The following COPG2 variants were observed in gnomAD, a reference collection of about 807,000 sequenced individuals.
COPG2 encodes coat protein complex I subunit gamma 2, also known as coatomer subunit gamma-2.
COPG2 carries 37 observed loss-of-function variants against 46.3 expected under a neutral mutation model. The observed-to-expected ratio is 0.80, with a 90% confidence interval of 0.61 to 1.05. COPG2 has a LOEUF of 1.05. COPG2 is among the 50% of genes least tolerant of loss of function. The probability of loss-of-function intolerance (pLI) is 0.00; values close to 1 mark genes in which losing one functional copy is unlikely to be tolerated. For synonymous variants in COPG2, 159 were observed against 129.7 expected, an observed-to-expected ratio of 1.23 and a Z score of -1.53; for missense variants, 427 against 387.8, an observed-to-expected ratio of 1.10 and a Z score of -0.85.
intron 9 of COPG2, among the ~76,000 whole-genome samples, chr7:130,597,980 T>C (rs895448662): frequency 2.0e-5 from 3 of 152,166 alleles, no homozygotes; most frequent in Admixed American, 6.5e-5. Context: ...GGACTCAGCA[T>C]GGCAAACAAT....
chr7:130,659,093 C>G (rs529607576), intron 4 of COPG2, among the ~76,000 whole-genome samples: 1 of 152,034 alleles, frequency 6.6e-6, no homozygotes, highest in Non-Finnish European at 1.5e-5. Flanking sequence ...CGGTAGCTTA[C>G]GCCTGCAATC....
chr7:130,523,600 A>G, intron 20 of COPG2, among the ~76,000 whole-genome samples: 1 of 152,320 alleles, frequency 6.6e-6, no homozygotes, highest in South Asian at 2.1e-4. Context: ...ATGACAGCTA[A>G]CAAATGGATG....
chr7:130,518,360 G>A (rs1799696054), intron 20 of COPG2, among the ~76,000 whole-genome samples: 1 of 151,936 alleles, frequency 6.6e-6, no homozygotes, highest in Non-Finnish European at 1.5e-5. Context: ...AGAGGGGGAA[G>A]ATCAGGGTGA....
intron 4 of COPG2, among the ~76,000 whole-genome samples, chr7:130,659,082 G>A (rs1205540689): frequency 7.2e-5 from 11 of 152,054 alleles, no homozygotes; most frequent in African/African-American, 2.2e-4. Flanking sequence ...TAGGCCGGGC[G>A]CGGTAGCTTA....
At chr7:130,638,053 G>A (rs916695635) in intron 5 of COPG2, among the ~76,000 whole-genome samples, 28 of 152,184 alleles carry the variant, frequency 1.8e-4, no homozygotes, top group African/African-American at 6.8e-4. Flanking sequence ...CACCAGCAGA[G>A]GCCGCAGAAC....
intron 1 of COPG2, 120 bp from the exon 2 acceptor site, chr7:130,667,654 CA>C: frequency 1.1e-5 from 8 of 703,904 alleles, no homozygotes; most frequent in Middle Eastern, 2.6e-4. Flanking sequence ...CAGTGATAAT[CA>C]TGGCTAATAC....
chr7:130,571,726 GA>G (rs1793904471), intron 9 of COPG2, among the ~76,000 whole-genome samples: 1 of 152,048 alleles, frequency 6.6e-6, no homozygotes, highest in Admixed American at 6.5e-5. Context: ...GTCATTATAT[GA>G]AAAAGGCACT....
At chr7:130,555,717 T>C (rs1017203962) in intron 12 of COPG2, among the ~76,000 whole-genome samples, 3,033 of 152,252 alleles carry the variant, frequency 0.02, 54 homozygotes, top group East Asian at 0.069. Flanking sequence ...CAGTCCCAGC[T>C]ACTCGGAGAG....
intron 9 of COPG2, among the ~76,000 whole-genome samples, chr7:130,584,785 A>G (rs1480558736): frequency 6.6e-6 from 1 of 152,052 alleles, no homozygotes; most frequent in Admixed American, 6.6e-5. Flanking sequence ...GAAAACTACA[A>G]AACACTGCTG....
At chr7:130,538,447 A>T (rs1160368152) in intron 20 of COPG2, among the ~76,000 whole-genome samples, 1 of 152,108 alleles carries the variant, frequency 6.6e-6, no homozygotes, top group African/African-American at 2.4e-5. Context: ...GAGTTCCCCA[A>T]ATGGGGTTTT....
chr7:130,604,027 TATTC>T (rs1794685269), intron 9 of COPG2, among the ~76,000 whole-genome samples: 1 of 152,200 alleles, frequency 6.6e-6, no homozygotes, highest in African/African-American at 2.4e-5. Context: ...AAGATATAAC[TATTC>T]ATTAAGTGAA....
intron 20 of COPG2, among the ~76,000 whole-genome samples, chr7:130,514,472 T>G (rs1799661090): frequency 6.6e-6 from 1 of 152,166 alleles, no homozygotes. Context: ...CTCTTAGAAG[T>G]TACTCTGTCA....
chr7:130,573,439 C>A (rs1554445781), intron 9 of COPG2, among the ~76,000 whole-genome samples: 1 of 151,962 alleles, frequency 6.6e-6, no homozygotes, highest in Non-Finnish European at 1.5e-5. Flanking sequence ...AACAAAAATT[C>A]TTAACAAATA....
chr7:130,624,882 A>T (rs1795091847), intron 5 of COPG2, among the ~76,000 whole-genome samples: 1 of 152,164 alleles, frequency 6.6e-6, no homozygotes. Flanking sequence ...ATGCATGTGC[A>T]TGTGTCTTTT....
intron 5 of COPG2, among the ~76,000 whole-genome samples, chr7:130,631,239 T>A (rs1319457305): frequency 6.7e-6 from 1 of 149,010 alleles, no homozygotes; most frequent in Non-Finnish European, 1.5e-5. Flanking sequence ...TGGCATCATC[T>A]GGGCTCACTG....
intron 5 of COPG2, among the ~76,000 whole-genome samples, chr7:130,651,322 G>GT (rs139808899): frequency 0.2 from 29,907 of 147,878 alleles, 3,117 homozygotes; most frequent in Middle Eastern, 0.24. Flanking sequence ...TACATAAAAT[G>GT]TTTTTTTTTT....
chr7:130,576,074 G>A (rs534694020), intron 9 of COPG2, among the ~76,000 whole-genome samples: 2 of 152,150 alleles, frequency 1.3e-5, no homozygotes, highest in African/African-American at 4.8e-5. Flanking sequence ...TATAAAACAA[G>A]TATTACTAGA....
At chr7:130,653,778 G>A (rs1554459482) in intron 4 of COPG2, among the ~76,000 whole-genome samples, 1 of 152,110 alleles carries the variant, frequency 6.6e-6, no homozygotes, top group Non-Finnish European at 1.5e-5. Flanking sequence ...AAGCTATGGA[G>A]AAAACCTTGA....
intron 20 of COPG2, among the ~76,000 whole-genome samples, chr7:130,511,252 G>C (rs1554440965): frequency 6.6e-6 from 1 of 152,068 alleles, no homozygotes; most frequent in African/African-American, 2.4e-5. Flanking sequence ...AGAAAGCTTT[G>C]TTAGAATAAT....
Sources: gnomAD v4.1 joint callset for allele counts (sites outside exome capture counted in the v4.1 genomes callset) on GRCh38, gnomAD v4.1.1 for gene constraint, MANE v1.5 for transcripts, NCBI Gene and HGNC (gene_info 2026-07-23, HGNC 2026-07-21) for gene names.